The following HPSE2 variants were observed in gnomAD, a reference collection of about 807,000 sequenced individuals.
HPSE2 encodes the protein heparanase 2 (inactive), also known as inactive heparanase-2.
A neutral mutation model predicts 60.5 loss-of-function variants in HPSE2; 38 were observed. The observed-to-expected ratio is 0.63, with a 90% CI of 0.48 to 0.82. The LOEUF (loss-of-function observed/expected upper bound fraction) is 0.82. HPSE2 is among the 40% of genes least tolerant of loss of function. The probability of loss-of-function intolerance (pLI) is 0.00; values close to 1 mark genes in which losing one functional copy is unlikely to be tolerated. For missense variants in HPSE2, 713 were observed against 740.4 expected (o/e 0.96, Z 0.43); for synonymous variants, 295 against 293.2 (o/e 1.01, Z -0.06).
chr10:99,299,648 C>T, the HPSE2 span, among the ~76,000 whole-genome samples: 2,201 of 152,130 alleles, frequency 0.014, 23 homozygotes, highest in African/African-American at 0.032. Context: ...CTCCAGATTT[C>T]GACCCTCAGT....
At chr10:98,818,420 G>A (rs1951341897) in intron 3 of HPSE2, among the ~76,000 whole-genome samples, 1 of 152,154 alleles carries the variant, frequency 6.6e-6, no homozygotes, top group African/African-American at 2.4e-5. Flanking sequence ...GCTCCTGTGA[G>A]AATCTAATGC....
chr10:98,748,497 G>A (rs1346544043), intron 3 of HPSE2, among the ~76,000 whole-genome samples: 2 of 152,114 alleles, frequency 1.3e-5, no homozygotes, highest in Non-Finnish European at 2.9e-5. Flanking sequence ...GGGGGCCAAT[G>A]CCTCTATGTC....
chr10:98,631,342 G>A (rs538953148), intron 7 of HPSE2, among the ~76,000 whole-genome samples: 1 of 152,282 alleles, frequency 6.6e-6, no homozygotes, highest in East Asian at 1.9e-4. Flanking sequence ...TCATATGCAA[G>A]AAAATGGGAA....
At chr10:99,241,491 G>A in the HPSE2 span, among the ~76,000 whole-genome samples, 1 of 152,158 alleles carries the variant, frequency 6.6e-6, no homozygotes, top group African/African-American at 2.4e-5. Flanking sequence ...CAGGCACAGT[G>A]GCTCATGCTA....
At chr10:98,826,608 C>T (rs965285600) in intron 3 of HPSE2, among the ~76,000 whole-genome samples, 5 of 152,156 alleles carry the variant, frequency 3.3e-5, no homozygotes. Context: ...CTCTTCTTAT[C>T]TCTTATAATG....
chr10:99,059,934 G>A lies in HPSE2; in HGVS notation c.610+84304C>T, dbSNP rs1958197328. Among the ~76,000 whole-genome samples the A allele has an allele frequency of 2.0e-5, 3 of 151,546 alleles. No individual in the cohort carries two copies. The South Asian group carries it at 6.2e-4, about 32-fold the overall frequency. The stretch of plus-strand genomic sequence containing the variant: ...ATACTTCACATAATTCAACATATAT[G>A]AAAATTTATAACAATATAAAATTCT... On this transcript the variant is annotated intron_variant, in intron 3 of 11. Coordinates refer to ENST00000370552, the MANE Select transcript of HPSE2 (RefSeq NM_021828.5).
chr10:99,092,897 T>A (rs1564799781), intron 3 of HPSE2, among the ~76,000 whole-genome samples: 1 of 152,198 alleles, frequency 6.6e-6, no homozygotes, highest in South Asian at 2.1e-4. Context: ...TTTGGTCATA[T>A]AAACAGATGT....
At chr10:98,461,954 A>G in intron 11 of HPSE2, 6 of 727,168 alleles carry the variant, frequency 8.3e-6, no homozygotes, top group Non-Finnish European at 1.5e-5. Context: ...ACCAGGAAGC[A>G]TGGTGAAGAT....
intron 3 of HPSE2, among the ~76,000 whole-genome samples, chr10:98,975,829 G>A (rs1956071047): frequency 2.6e-5 from 4 of 152,078 alleles, no homozygotes; most frequent in African/African-American, 2.4e-5. Flanking sequence ...GACATCGGGG[G>A]TTCTTCAGAA....
intron 3 of HPSE2, among the ~76,000 whole-genome samples, chr10:99,010,133 G>A (rs1956978672): frequency 1.3e-5 from 2 of 152,204 alleles, no homozygotes; most frequent in Non-Finnish European, 2.9e-5. Context: ...TTTAAGGAAT[G>A]AGATGATTTA....
At chr10:98,913,937 T>G (rs1405269554) in intron 3 of HPSE2, among the ~76,000 whole-genome samples, 1 of 152,178 alleles carries the variant, frequency 6.6e-6, no homozygotes, top group Non-Finnish European at 1.5e-5. Context: ...AAAGCACTCA[T>G]ACGCTTTTTC....
In HPSE2 at chr10:98,953,953, T is replaced by C. The variant is rs373358241; in HGVS notation, c.610+190285A>G. 1.1e-4 allele frequency among the ~76,000 whole-genome samples: 17 copies of C among 152,280 alleles called. No individual in the cohort carries two copies. The East Asian group carries it at 3.3e-3, about 29-fold the overall frequency. ...GCTGATTATACTACCAAATCTATAATAAGCATTCAATAAATAGTAGTTATT... is the reference window on the plus strand; with the variant it reads ...GCTGATTATACTACCAAATCTATAACAAGCATTCAATAAATAGTAGTTATT... On this transcript the variant is annotated intron_variant, in intron 3 of 11. Transcript: ENST00000370552.
At chr10:98,620,853 C>G (rs538145542) in intron 7 of HPSE2, 145 bp from the exon 8 acceptor site, 1 of 704,028 alleles carries the variant, frequency 1.4e-6, no homozygotes, top group Admixed American at 2.0e-5. Flanking sequence ...GATGATGCAC[C>G]CAGTTCAGTG....
chr10:99,233,657 T>C (rs1193677391), intron 1 of HPSE2, among the ~76,000 whole-genome samples: 1 of 152,018 alleles, frequency 6.6e-6, no homozygotes, highest in Non-Finnish European at 1.5e-5. Context: ...ATAAAGGAGG[T>C]GGATACGAGA....
At chr10:99,278,633 A>C in the HPSE2 span, among the ~76,000 whole-genome samples, 1 of 152,210 alleles carries the variant, frequency 6.6e-6, no homozygotes, top group Non-Finnish European at 1.5e-5. Context: ...CAGGATGAAA[A>C]AAGGATGAAT....
chr10:99,049,254 A>G (rs1417332293), intron 3 of HPSE2, among the ~76,000 whole-genome samples: 2 of 152,214 alleles, frequency 1.3e-5, no homozygotes, highest in African/African-American at 4.8e-5. Context: ...TCTATACTCT[A>G]TGCCATTGAT....
intron 3 of HPSE2, among the ~76,000 whole-genome samples, chr10:98,869,906 C>G (rs1302425711): frequency 6.6e-6 from 1 of 151,940 alleles, no homozygotes; most frequent in Admixed American, 6.6e-5. Flanking sequence ...AAGCAACAAC[C>G]TGAGACAGCC....
chr10:98,488,325 T>C (rs182740551), intron 10 of HPSE2, among the ~76,000 whole-genome samples: 1 of 152,356 alleles, frequency 6.6e-6, no homozygotes, highest in Non-Finnish European at 1.5e-5. Flanking sequence ...AGTAACATCT[T>C]GATGCCCAAA....
At chr10:98,806,333 G>C (rs2801401) in intron 3 of HPSE2, among the ~76,000 whole-genome samples, 1 of 152,020 alleles carries the variant, frequency 6.6e-6, no homozygotes, top group Non-Finnish European at 1.5e-5. Context: ...TCACCCACAG[G>C]GATACTACTG....
Sources: allele counts gnomAD v4.1 joint callset (sites outside exome capture counted in the v4.1 genomes callset), GRCh38; gene constraint gnomAD v4.1.1; transcripts MANE v1.5; gene names NCBI Gene and HGNC (gene_info 2026-07-23, HGNC 2026-07-21).